Variants in TMEM19 observed in about 807,000 individuals in gnomAD.
The protein encoded by TMEM19 is transmembrane protein 19.
In TMEM19, 21 loss-of-function variants were observed where a neutral mutation model predicts 33.6. That is an observed-to-expected ratio of 0.62 (90% CI 0.44 to 0.90). TMEM19 has a LOEUF of 0.90. Ranked by LOEUF, TMEM19 falls within the 40% of genes least tolerant of loss-of-function variation. The pLI, the probability that TMEM19 is intolerant of heterozygous loss-of-function variation, is 0.00. For synonymous variants in TMEM19, 149 were observed against 147.5 expected, an observed-to-expected ratio of 1.01 and a Z score of -0.07; for missense variants, 402 against 401.8, an observed-to-expected ratio of 1.00 and a Z score of 0.00.
At chr12:71,687,344 C>T (rs1445698227) in intron 1 of TMEM19, among the ~76,000 whole-genome samples, 6 of 152,172 alleles carry the variant, frequency 3.9e-5, no homozygotes, top group South Asian at 2.1e-4. Context: ...TTTGGGAGGC[C>T]GAGGCGGGCA....
At chr12:71,686,840 T>C (rs773992830) in intron 1 of TMEM19, 30 bp downstream of exon 1, 16 of 1,578,358 alleles carry the variant, frequency 1.0e-5, no homozygotes, top group African/African-American at 1.4e-5. Context: ...GTTGTTTCTC[T>C]GTAATCTAGT....
chr12:71,696,506 GTCT>G lies in TMEM19; in HGVS notation c.321_323del (p.Ser108del), dbSNP rs754654640. 8.1e-6 allele frequency: 13 copies of G among 1,611,736 alleles called. No individual in the cohort carries two copies. The highest frequency in any genetic ancestry group is 1.3e-5 in the African/African-American group (1 of 74,764). ...TTACCTCTTTGCTGATGTTTTTCTT[GTCT>G]TCTTCGAAACTCACTAAATGGAAGG... On this transcript the variant is annotated inframe_deletion, in exon 3 of 6. Transcript: ENST00000266673.
rs1160891261 is a variant in TMEM19 at position 71,703,211 on chromosome 12, A to T, written c.*2216A>T. The T allele has an allele frequency of 7.3e-6, 1 of 137,068 alleles. No homozygotes were observed. Among genetic ancestry groups the T allele is most frequent in the African/African-American group, 2.7e-5 (1 of 36,582 alleles). The allele number at this position is 137,068 out of a possible 1,614,324, so 8.5% of individuals were successfully genotyped here. A position where few individuals can be genotyped will look rare whatever the true frequency, so the allele number is the denominator to read the frequency against. ...TCAAAAAAAAAAAAAAAAAAAAAAAAAAAAAAAAAAAAAAAGAATATTCTA... is the reference window on the plus strand; with the variant it reads ...TCAAAAAAAAAAAAAAAAAAAAAAATAAAAAAAAAAAAAAAGAATATTCTA... On this transcript the variant is annotated 3_prime_UTR_variant, in exon 6 of 6. Transcript: ENST00000266673.
At chr12:71,700,785 G>T in intron 5 of TMEM19, 47 bp from the exon 6 acceptor site, 27 of 1,360,476 alleles carry the variant, frequency 2.0e-5, no homozygotes, top group South Asian at 3.4e-5. Flanking sequence ...GAAAAAAAAT[G>T]AAGTCATTTG....
At chr12:71,696,686 G>C in intron 3 of TMEM19, 113 bp downstream of exon 3, 7 of 998,022 alleles carry the variant, frequency 7.0e-6, no homozygotes, top group Non-Finnish European at 9.5e-6. Flanking sequence ...TTGCTCTGTT[G>C]CCCAGGCTGG....
rs765752583 is a variant in TMEM19 at position 71,700,982 on chromosome 12, G to T, written c.998G>T (p.Trp333Leu). ...CTCCCAACTGCTGCTTGGGGTTTTT[G>T]GCCCAGGGGGTGAACTTTATTTCAT... ...LLLPTAAWGF[W>L]PRG is the part of the protein sequence containing the mutation. The change falls in exon 6 of 6, where the codon TGG (tryptophan) becomes TTG (leucine). Residue 333 changes from tryptophan to leucine, a missense_variant. By Grantham distance (61) the Trp-to-Leu change is moderately conservative. Coordinates refer to ENST00000266673, the MANE Select transcript of TMEM19 (RefSeq NM_018279.4). 3.7e-6 allele frequency: 6 copies of T among 1,608,934 alleles called. No individual in the cohort carries two copies. The highest frequency in any genetic ancestry group is 5.1e-6 in the Non-Finnish European group (6 of 1,177,910).
chr12:71,696,910 G>A (rs1448103085), intron 3 of TMEM19, among the ~76,000 whole-genome samples: 1 of 152,150 alleles, frequency 6.6e-6, no homozygotes, highest in Non-Finnish European at 1.5e-5. Flanking sequence ...GCCTCCCAAA[G>A]TGCTGGGATT....
chr12:71,703,423 C>G lies in TMEM19; in HGVS notation c.*2428C>G, dbSNP rs986014424. 6.6e-6 allele frequency: 1 copy of G among 152,040 alleles called. No individual in the cohort carries two copies. The highest frequency in any genetic ancestry group is 1.5e-5 in the Non-Finnish European group (1 of 68,022). 9.4% of individuals were successfully genotyped at this position (152,040 alleles called of 1,614,324 possible). The stretch of plus-strand genomic sequence containing the variant: ...ATTTATAAAATCATGTGTCAGTTTT[C>G]ACACAGCCTGCACATCGTTCTGACA... On this transcript the variant is annotated 3_prime_UTR_variant, in exon 6 of 6. Coordinates refer to ENST00000266673, the MANE Select transcript of TMEM19 (RefSeq NM_018279.4).
rs116675957 is a variant in TMEM19 at position 71,701,300 on chromosome 12, A to T, written c.*305A>T. On this transcript the variant is annotated 3_prime_UTR_variant, in exon 6 of 6. Transcript: ENST00000266673. ...TGAACTGAAAGTTCTTACATAATCA[A>T]TGTCAAGTTTTGTCTTATTTTGTTT... The T allele has an allele frequency of 9.5e-3, 1,820 of 192,360 alleles. 34 individuals are homozygous for T. The highest frequency in any genetic ancestry group is 0.04 in the African/African-American group (1,725 of 43,064). 11.9% of individuals were successfully genotyped at this position (192,360 alleles called of 1,614,324 possible).
rs1244099336 is a variant in TMEM19, at chr12:71,689,788, TA to T, written c.244+85del. 5 of 903,490 alleles carry T rather than the reference TA, an allele frequency of 5.5e-6. No individual in the cohort carries two copies. The African/African-American group carries it at 8.5e-5, about 15-fold the overall frequency. The allele number at this position is 903,490 out of a possible 1,614,324, so 56.0% of individuals were successfully genotyped here. On this transcript the variant is annotated intron_variant, in intron 2 of 5. Coordinates refer to ENST00000266673, the MANE Select transcript of TMEM19 (RefSeq NM_018279.4). ...ATTTATGTTTTCTAAATTCTGAATA[TA>T]TGAGACTGACTACAAATCACAGTTA...
At chr12:71,694,444 A>T (rs1296974821) in intron 2 of TMEM19, among the ~76,000 whole-genome samples, 1 of 152,172 alleles carries the variant, frequency 6.6e-6, no homozygotes, top group Non-Finnish European at 1.5e-5. Context: ...TCATGTACCC[A>T]GAGTTGATTA....
intron 5 of TMEM19, among the ~76,000 whole-genome samples, 169 bp from the exon 6 acceptor site, chr12:71,700,654 CTTAGAACCT>C (rs1319902272): frequency 1.3e-5 from 2 of 151,432 alleles, no homozygotes; most frequent in East Asian, 3.9e-4. Context: ...TAGCAAGTCA[CTTAGAACCT>C]TTCAAAGATT....
chr12:71,696,866 C>T (rs1459266315), intron 3 of TMEM19, among the ~76,000 whole-genome samples: 6 of 152,062 alleles, frequency 3.9e-5, no homozygotes, highest in Admixed American at 6.5e-5. Context: ...CCAGGATGGT[C>T]GCAATCTCCT....
Position 71,686,424 on chromosome 12 carries a change from A to G in TMEM19, c.-257A>G, listed in dbSNP as rs1036396366. The G allele has an allele frequency of 5.0e-5, 17 of 339,762 alleles. No homozygotes were observed. The highest frequency in any genetic ancestry group is 8.5e-5 in the Non-Finnish European group (16 of 187,570). 21.0% of individuals were successfully genotyped at this position (339,762 alleles called of 1,614,324 possible). A position where few individuals can be genotyped will look rare whatever the true frequency, so the allele number is the denominator to read the frequency against. ...GCGCTGAAGCGGCCGGCAGCCGGCG[A>G]CCGGCCCTCACCGTCCGCCGGGTTG... is the stretch of plus-strand genomic sequence containing the variant. On this transcript the variant is annotated 5_prime_UTR_variant, in exon 1 of 6. Transcript: ENST00000266673.
intron 4 of TMEM19, 108 bp from the exon 5 acceptor site, chr12:71,698,792 A>C: frequency 1.1e-6 from 1 of 946,404 alleles, no homozygotes; most frequent in Non-Finnish European, 1.6e-6. Context: ...TGCATTAAAG[A>C]GAATGCTTTC....
Position 71,697,525 on chromosome 12 carries a change from G to T in TMEM19, c.628G>T (p.Val210Phe). The part of the protein sequence containing the change: ...SPRLITTWEK[V>F]PVGTNGGVTV... ...AAGACTGATAACAACCTGGGAGAAA[G>T]TTCCAGTTGGTGAGTTTTTTCTTCT... The change falls in exon 4 of 6, where the codon GTT becomes TTT. Residue 210 changes from valine (V) to phenylalanine (F), a missense_variant. Physicochemically the swap from Val to Phe is conservative, Grantham distance 50 (BLOSUM62 -1). Transcript: ENST00000266673. 6.4e-7 allele frequency: 1 copy of T among 1,572,722 alleles called. No individual in the cohort carries two copies. The highest frequency in any genetic ancestry group is 8.6e-7 in the Non-Finnish European group (1 of 1,166,886).
In TMEM19 at chr12:71,697,173, T is replaced by G. The variant is rs1881887894; in HGVS notation, c.383-107T>G. ...ACACTTTTACTGTTTTTAAATTTTT[T>G]TGTTGTTTTTCTTTTCTTAAACTTT... On this transcript the variant is annotated intron_variant, in intron 3 of 5. Transcript: ENST00000266673. 6 of 1,442,614 alleles carry G rather than the reference T, an allele frequency of 4.2e-6. No homozygotes were observed. The South Asian group carries it at 8.6e-5, about 21-fold the overall frequency. 89.4% of individuals were successfully genotyped at this position (1,442,614 alleles called of 1,614,324 possible).
chr12:71,699,504 A>G (rs1486721645), intron 5 of TMEM19: 4 of 266,410 alleles, frequency 1.5e-5, no homozygotes, highest in East Asian at 8.4e-5. Context: ...CTACTTTCTT[A>G]CTGTGGTATC....
At position 71,701,687 on chromosome 12, in the gene TMEM19, A is replaced by AT. The variant is rs1162048293; in HGVS notation, c.*692_*693insT. The AT allele has an allele frequency of 1.2e-4, 18 of 152,254 alleles. No homozygotes were observed. Among genetic ancestry groups the AT allele is most frequent in the African/African-American group, 4.3e-4 (18 of 41,468 alleles). The allele number at this position is 152,254 out of a possible 1,614,324, so 9.4% of individuals were successfully genotyped here. ...AAAGAATTTTATCTTATATCTAAAA[A>AT]ATATATAACTTACTATATGTTTCAG... is the stretch of plus-strand genomic sequence containing the variant. On this transcript the variant is annotated 3_prime_UTR_variant, in exon 6 of 6. Coordinates refer to ENST00000266673, the MANE Select transcript of TMEM19 (RefSeq NM_018279.4).
Sources: gnomAD v4.1 joint callset for allele counts (sites outside exome capture counted in the v4.1 genomes callset) on GRCh38, gnomAD v4.1.1 for gene constraint, MANE v1.5 for transcripts, NCBI Gene and HGNC (gene_info 2026-07-23, HGNC 2026-07-21) for gene names.